NHS: variants seen among roughly 807,000 people sequenced by gnomAD.
The protein encoded by NHS is NHS actin remodeling regulator, also known as actin remodeling regulator NHS.
A neutral mutation model predicts 72.5 loss-of-function variants in NHS; 5 were observed. That is an observed-to-expected ratio of 0.07 (90% CI 0.04 to 0.14). NHS has a LOEUF of 0.14. Ranked by LOEUF, NHS falls within the 10% of genes least tolerant of loss-of-function variation. The pLI, the probability that NHS is intolerant of heterozygous loss-of-function variation, is 1.00. For missense variants in NHS, 1,072 were observed against 1,355.7 expected, an observed-to-expected ratio of 0.79 and a Z score of 3.29; for synonymous variants, 464 against 547.7, an observed-to-expected ratio of 0.85 and a Z score of 2.13.
intron 1 of NHS, among the ~76,000 whole-genome samples, chrX:17,386,044 C>T (rs1364193793): frequency 1.8e-5 from 2 of 111,615 alleles, no homozygotes; most frequent in African/African-American, 6.5e-5. Flanking sequence ...CCACCCCTGC[C>T]CCAACTGTAT....
chrX:17,730,401 A>C (rs1425560548), intron 8 of NHS, among the ~76,000 whole-genome samples: 1 of 112,375 alleles, frequency 8.9e-6, no homozygotes, highest in African/African-American at 3.2e-5. Flanking sequence ...TTGTGTTTAG[A>C]ATATGGTAGG....
chrX:17,531,709 G>A (rs1336380339), intron 1 of NHS, among the ~76,000 whole-genome samples: 3 of 112,248 alleles, frequency 2.7e-5, no homozygotes, highest in Non-Finnish European at 5.6e-5. Flanking sequence ...CCTTGGCTTT[G>A]TGCTGCAGCC....
intron 1 of NHS, among the ~76,000 whole-genome samples, chrX:17,573,391 T>C (rs2065492503): frequency 9.1e-6 from 1 of 110,382 alleles, no homozygotes; most frequent in Non-Finnish European, 1.9e-5. Flanking sequence ...TCACTCTTTT[T>C]TCTGTAATCT....
intron 1 of NHS, among the ~76,000 whole-genome samples, chrX:17,406,089 G>A (rs969923184): frequency 1.8e-5 from 2 of 111,983 alleles, no homozygotes; most frequent in African/African-American, 6.5e-5. Context: ...ACTTCTTATC[G>A]TGGGTGGCTC....
chrX:17,532,540 T>C (rs1481905451), intron 1 of NHS, among the ~76,000 whole-genome samples: 2 of 111,783 alleles, frequency 1.8e-5, no homozygotes, highest in Non-Finnish European at 3.8e-5. Flanking sequence ...ATTTGAAGGC[T>C]TCCTCCTTTA....
intron 1 of NHS, among the ~76,000 whole-genome samples, chrX:17,655,497 G>A (rs2065949490): frequency 8.9e-6 from 1 of 112,665 alleles, no homozygotes; most frequent in South Asian, 3.7e-4. Context: ...TGGGGCTGGG[G>A]ACTGAGTCCT....
chrX:17,708,546 G>GA (rs2066309479), intron 3 of NHS, among the ~76,000 whole-genome samples: 1 of 112,186 alleles, frequency 8.9e-6, no homozygotes, highest in South Asian at 3.7e-4. Context: ...AGAGTACATG[G>GA]AGACTAGAGG....
chrX:17,588,538 C>A (rs925382518), intron 1 of NHS, among the ~76,000 whole-genome samples: 2 of 110,953 alleles, frequency 1.8e-5, no homozygotes, highest in Admixed American at 9.6e-5. Flanking sequence ...GAGAAATGTG[C>A]AAAGCATAGA....
intron 5 of NHS, 88 bp downstream of exon 5, chrX:17,721,721 A>G: frequency 1.2e-6 from 1 of 835,358 alleles, no homozygotes; most frequent in East Asian, 3.3e-5. Flanking sequence ...TAAGAATACC[A>G]TTTTGTAAAC....
At chrX:17,516,556 AACACACACACACGCGCACACACACAC>A (rs1162468780) in intron 1 of NHS, among the ~76,000 whole-genome samples, 1 of 94,304 alleles carries the variant, frequency 1.1e-5, no homozygotes, top group Non-Finnish European at 2.1e-5. Context: ...TTTAACTTAC[AACACACACACACGCGCACACACACAC>A]ACACACACAC....
intron 1 of NHS, among the ~76,000 whole-genome samples, chrX:17,500,048 G>A (rs954586919): frequency 3.6e-5 from 4 of 112,516 alleles, no homozygotes; most frequent in African/African-American, 9.7e-5. Context: ...TCTTTCTTCT[G>A]GCTACAGGTC....
In NHS at chrX:17,734,522, TGTGA is replaced by T. The variant is rs2066509233; in HGVS notation, c.*2062_*2065del. On this transcript the variant is annotated 3_prime_UTR_variant, in exon 9 of 9. Coordinates refer to ENST00000676302, the MANE Select transcript of NHS (RefSeq NM_001291867.2). ...GTCAGAGAGAGTGTGTATGGGTGTG[TGTGA>T]GTGTGAGTGTGTGTGTACGCACACA... The T allele has an allele frequency of 9.0e-6, 1 of 110,881 alleles. No individual in the cohort carries two copies. Among genetic ancestry groups the T allele is most frequent in the Non-Finnish European group, 1.9e-5 (1 of 52,821 alleles). The allele number at this position is 110,881 out of a possible 1,213,427, so 9.1% of individuals were successfully genotyped here.
At chrX:17,471,280 C>T (rs1368770601) in intron 1 of NHS, among the ~76,000 whole-genome samples, 18 of 111,776 alleles carry the variant, frequency 1.6e-4, no homozygotes, top group Non-Finnish European at 5.6e-5. Context: ...TATCTCTGCA[C>T]ATTAAAGATT....
intron 1 of NHS, among the ~76,000 whole-genome samples, chrX:17,466,112 C>G (rs778170847): frequency 8.8e-6 from 1 of 113,297 alleles, no homozygotes; most frequent in African/African-American, 3.2e-5. Context: ...TACATTTGGT[C>G]TGAAACCAAA....
intron 1 of NHS, among the ~76,000 whole-genome samples, chrX:17,531,617 G>A (rs1013283534): frequency 9.7e-5 from 11 of 112,821 alleles, no homozygotes; most frequent in Admixed American, 3.7e-4. Flanking sequence ...ACCATTGGTC[G>A]TAGCCTACAA....
At chrX:17,632,068 A>G (rs1008799704) in intron 1 of NHS, among the ~76,000 whole-genome samples, 1 of 112,275 alleles carries the variant, frequency 8.9e-6, no homozygotes, top group African/African-American at 3.2e-5. Flanking sequence ...ATCCCTAGCT[A>G]AAAGGGAGAC....
intron 1 of NHS, among the ~76,000 whole-genome samples, chrX:17,402,553 A>G (rs113875750): frequency 5.1e-3 from 574 of 112,327 alleles, no homozygotes; most frequent in African/African-American, 0.018. Flanking sequence ...TAAGTGAAAG[A>G]ACACATTTGC....
chrX:17,651,615 T>C (rs898173846), intron 1 of NHS, among the ~76,000 whole-genome samples: 32 of 111,641 alleles, frequency 2.9e-4, no homozygotes, highest in African/African-American at 1.0e-3. Flanking sequence ...AGAAAGTGTG[T>C]GTAGGAATAG....
chrX:17,429,269 C>T (rs1014922633), intron 1 of NHS, among the ~76,000 whole-genome samples: 17 of 110,511 alleles, frequency 1.5e-4, no homozygotes, highest in South Asian at 7.7e-4. Context: ...CACACGTGCG[C>T]GCGCGCTATA....
Sources: allele counts gnomAD v4.1 joint callset (sites outside exome capture counted in the v4.1 genomes callset), GRCh38; gene constraint gnomAD v4.1.1; transcripts MANE v1.5; gene names NCBI Gene and HGNC (gene_info 2026-07-23, HGNC 2026-07-21).